Variants in MAF observed in about 807,000 individuals in gnomAD.
MAF encodes the protein transcription factor Maf.
Under a neutral mutation model 22.0 loss-of-function variants are expected in MAF, and 10 were observed. The ratio of observed to expected loss-of-function variants is 0.45; its 90% CI spans 0.28 to 0.77. The LOEUF (loss-of-function observed/expected upper bound fraction) is 0.77. Among genes scored for constraint, MAF ranks in the 30% least tolerant of loss-of-function variants. The pLI is 0.12. For missense variants in MAF, 544 were observed against 548.4 expected (o/e 0.99, Z 0.08); for synonymous variants, 337 against 255.8 (o/e 1.32, Z -3.03).
At chr16:79,428,837 C>T in the MAF span, among the ~76,000 whole-genome samples, 2 of 111,958 alleles carry the variant, frequency 1.8e-5, no homozygotes, top group African/African-American at 3.2e-5. Flanking sequence ...AAAGCAAGAC[C>T]CTGTCTCAGA....
chr16:79,242,006 A>C, the MAF span, among the ~76,000 whole-genome samples: 1 of 152,100 alleles, frequency 6.6e-6, no homozygotes, highest in Non-Finnish European at 1.5e-5. Context: ...AGATTTTGTC[A>C]CCACCAGGCC....
chr16:79,291,995 A>G, the MAF span, among the ~76,000 whole-genome samples: 15 of 151,734 alleles, frequency 9.9e-5, no homozygotes, highest in Middle Eastern at 3.4e-3. Context: ...CCCTCTTTCA[A>G]ACAGACGAGG....
the MAF span, among the ~76,000 whole-genome samples, chr16:79,529,100 T>G: frequency 6.6e-6 from 1 of 152,010 alleles, no homozygotes; most frequent in East Asian, 1.9e-4. Context: ...ATAAAACTAC[T>G]GCAGGACTGA....
At chr16:79,525,338 G>C in the MAF span, among the ~76,000 whole-genome samples, 8 of 152,120 alleles carry the variant, frequency 5.3e-5, no homozygotes, top group Non-Finnish European at 4.4e-5. Context: ...TTCTGACTTG[G>C]CAAGACAACA....
chr16:79,209,194 G>C, the MAF span, among the ~76,000 whole-genome samples: 4,173 of 152,278 alleles, frequency 0.027, 214 homozygotes, highest in African/African-American at 0.095. Flanking sequence ...ATGTAGGTTG[G>C]CATGAAATGA....
At chr16:79,356,181 T>TGTGC in the MAF span, among the ~76,000 whole-genome samples, 1 of 151,196 alleles carries the variant, frequency 6.6e-6, no homozygotes, top group Non-Finnish European at 1.5e-5. Flanking sequence ...CTCATACATG[T>TGTGC]GCACACACAC....
At chr16:79,303,058 C>G in the MAF span, among the ~76,000 whole-genome samples, 11 of 152,108 alleles carry the variant, frequency 7.2e-5, no homozygotes, top group South Asian at 6.2e-4. Context: ...GCAAATGGCA[C>G]GATTTTCCAT....
At chr16:79,399,010 G>C in the MAF span, among the ~76,000 whole-genome samples, 1 of 152,192 alleles carries the variant, frequency 6.6e-6, no homozygotes, top group Non-Finnish European at 1.5e-5. Flanking sequence ...AGATTAATCT[G>C]CCTCTCAAGT....
chr16:79,321,518 A>T, the MAF span, among the ~76,000 whole-genome samples: 1 of 152,162 alleles, frequency 6.6e-6, no homozygotes, highest in Non-Finnish European at 1.5e-5. Flanking sequence ...GCTAAGAATG[A>T]GAAGGAGACG....
chr16:79,380,321 C>A, the MAF span, among the ~76,000 whole-genome samples: 1 of 152,238 alleles, frequency 6.6e-6, no homozygotes, highest in South Asian at 2.1e-4. Context: ...ACCTCAAGGG[C>A]AGTTGTGAAT....
the MAF span, among the ~76,000 whole-genome samples, chr16:79,409,000 T>C: frequency 6.9e-6 from 1 of 144,140 alleles, no homozygotes; most frequent in Admixed American, 6.8e-5. Flanking sequence ...AGTTTTCAAA[T>C]TGCGTGTGTC....
chr16:79,400,732 C>T, the MAF span, among the ~76,000 whole-genome samples: 66 of 152,368 alleles, frequency 4.3e-4, no homozygotes, highest in African/African-American at 1.4e-3. Flanking sequence ...GATAGAGACC[C>T]TATACCCGGA....
the MAF span, among the ~76,000 whole-genome samples, chr16:79,242,696 A>G: frequency 6.6e-5 from 10 of 152,192 alleles, no homozygotes; most frequent in African/African-American, 1.7e-4. Context: ...GCTCTGGACC[A>G]AGCAGATCTA....
chr16:79,553,497 A>G, the MAF span, among the ~76,000 whole-genome samples: 2 of 152,242 alleles, frequency 1.3e-5, no homozygotes, highest in Non-Finnish European at 2.9e-5. Context: ...GTGCTCAGAA[A>G]GCACCTTTGT....
At chr16:79,581,336 T>A (rs1270245812), downstream of MAF, among the ~76,000 whole-genome samples, 1 of 152,132 alleles carries the variant, frequency 6.6e-6, no homozygotes, top group Admixed American at 6.5e-5. Flanking sequence ...CACAGCAGTA[T>A]AGACTCAGCC....
At chr16:79,224,206 A>G in the MAF span, among the ~76,000 whole-genome samples, 1 of 152,234 alleles carries the variant, frequency 6.6e-6, no homozygotes, top group Non-Finnish European at 1.5e-5. Flanking sequence ...CTGGTTTAAC[A>G]TATGCAAATC....
the MAF span, among the ~76,000 whole-genome samples, chr16:79,293,311 G>C: frequency 3.9e-5 from 6 of 152,164 alleles, no homozygotes; most frequent in East Asian, 9.7e-4. Context: ...TACAGAGGAT[G>C]GATTAAGGGA....
At chr16:79,296,078 C>T in the MAF span, among the ~76,000 whole-genome samples, 8 of 152,190 alleles carry the variant, frequency 5.3e-5, no homozygotes, top group African/African-American at 1.9e-4. Flanking sequence ...AAAAGAAAGT[C>T]GAAAGCTGAT....
the MAF span, among the ~76,000 whole-genome samples, chr16:79,568,052 C>G: frequency 1.3e-5 from 2 of 152,106 alleles, no homozygotes; most frequent in Non-Finnish European, 2.9e-5. Context: ...TCATTAATCA[C>G]CTCGGAAAGC....
Sources: allele counts gnomAD v4.1 joint callset (sites outside exome capture counted in the v4.1 genomes callset), GRCh38; gene constraint gnomAD v4.1.1; transcripts MANE v1.5; gene names NCBI Gene and HGNC (gene_info 2026-07-23, HGNC 2026-07-21).